ITPR1: variants seen among roughly 807,000 people sequenced by gnomAD.
The protein encoded by ITPR1 is inositol 1,4,5-trisphosphate-gated calcium channel ITPR1.
A neutral mutation model predicts 318.4 loss-of-function variants in ITPR1; 96 were observed. The observed-to-expected ratio is 0.30, with a 90% CI of 0.26 to 0.36. The LOEUF (loss-of-function observed/expected upper bound fraction) is 0.36, where lower values mean the gene tolerates loss of function less well. Ranked by LOEUF, ITPR1 falls within the 10% of genes least tolerant of loss-of-function variation. ITPR1 has a pLI of 1.00. For missense variants in ITPR1, 2,440 were observed against 3,460.2 expected (o/e 0.71, Z 7.40); for synonymous variants, 1,312 against 1,289.9 (o/e 1.02, Z -0.37).
At chr3:4,561,664 G>GGCAGAGGGCAGCA in intron 4 of ITPR1, among the ~76,000 whole-genome samples, 2 of 152,024 alleles carry the variant, frequency 1.3e-5, no homozygotes, top group Non-Finnish European at 2.9e-5. Context: ...GTGTTAAATT[G>GGCAGAGGGCAGCA]GCCTGGGGAC....
At chr3:4,735,615 A>T (rs1274182412) in intron 44 of ITPR1, 9 of 473,004 alleles carry the variant, frequency 1.9e-5, no homozygotes, top group South Asian at 3.1e-5. Flanking sequence ...CTGGCCTAAG[A>T]TCTGGCACAT....
rs1195111039 is a variant in ITPR1, at chr3:4,846,435, T to A, written c.*210T>A. The A allele has an allele frequency of 7.5e-5, 28 of 375,230 alleles. No individual in the cohort carries two copies. In the East Asian group the frequency reaches 1.1e-3, roughly 14 times the overall value. 23.2% of individuals were successfully genotyped at this position (375,230 alleles called of 1,614,324 possible). The stretch of plus-strand genomic sequence containing the variant: ...TGTTGGCATGATGACATTTCATTTG[T>A]GCCAAAAATATTAAAAATGCCTTTT... On this transcript the variant is annotated 3_prime_UTR_variant, in exon 62 of 62. Coordinates refer to ENST00000649015, the MANE Select transcript of ITPR1 (RefSeq NM_001378452.1).
At chr3:4,706,145 GA>G in intron 36 of ITPR1, 21 bp from the exon 37 acceptor site, 1 of 1,613,786 alleles carries the variant, frequency 6.2e-7, no homozygotes, top group Non-Finnish European at 8.5e-7. Context: ...GTAGGCTCAC[GA>G]CTCATCTTTC....
chr3:4,667,907 A>G (rs1186482236), intron 18 of ITPR1, among the ~76,000 whole-genome samples: 1 of 152,158 alleles, frequency 6.6e-6, no homozygotes, highest in Non-Finnish European at 1.5e-5. Context: ...TCACTTTTTA[A>G]AAAATGTTCT....
intron 55 of ITPR1, among the ~76,000 whole-genome samples, chr3:4,808,164 G>T (rs1055379050): frequency 1.3e-5 from 2 of 152,144 alleles, no homozygotes; most frequent in African/African-American, 4.8e-5. Flanking sequence ...CACATTACAG[G>T]GACAGCCGTT....
At chr3:4,786,870 C>T (rs993154196) in intron 51 of ITPR1, among the ~76,000 whole-genome samples, 12 of 152,140 alleles carry the variant, frequency 7.9e-5, no homozygotes, top group African/African-American at 2.9e-4. Context: ...GGTAGGAGGT[C>T]ACTGCAACTG....
At chr3:4,741,509 G>A (rs549553711) in intron 44 of ITPR1, among the ~76,000 whole-genome samples, 97 of 151,508 alleles carry the variant, frequency 6.4e-4, no homozygotes, top group Non-Finnish European at 1.2e-3. Context: ...AGCAGAGAGA[G>A]TGATCCCTGG....
At chr3:4,670,664 A>G in intron 19 of ITPR1, 65 bp from the exon 20 acceptor site, 1 of 1,191,052 alleles carries the variant, frequency 8.4e-7, no homozygotes. Flanking sequence ...TTATGCTGAA[A>G]GTAAAGCTAG....
intron 61 of ITPR1, among the ~76,000 whole-genome samples, chr3:4,840,028 G>GGTTTTT (rs1392825356): frequency 2.4e-5 from 1 of 42,194 alleles, no homozygotes; most frequent in African/African-American, 7.9e-5. Flanking sequence ...CAGCATAGCT[G>GGTTTTT]CTTTTTTTTT....
chr3:4,758,483 G>A (rs1485169250), intron 44 of ITPR1, among the ~76,000 whole-genome samples: 1 of 152,194 alleles, frequency 6.6e-6, no homozygotes, highest in Non-Finnish European at 1.5e-5. Flanking sequence ...GGACAGGTAG[G>A]CTGGCTCACA....
intron 4 of ITPR1, among the ~76,000 whole-genome samples, chr3:4,615,362 C>A (rs1346031538): frequency 1.4e-5 from 2 of 144,976 alleles, no homozygotes; most frequent in African/African-American, 5.1e-5. Context: ...GCCTTTCCAA[C>A]TGATTTCTTT....
At chr3:4,515,783 T>G (rs2082132669) in intron 2 of ITPR1, among the ~76,000 whole-genome samples, 1 of 152,192 alleles carries the variant, frequency 6.6e-6, no homozygotes, top group African/African-American at 2.4e-5. Flanking sequence ...CTTATTATTC[T>G]TACCCAAATA....
intron 26 of ITPR1, among the ~76,000 whole-genome samples, chr3:4,681,950 CATT>C (rs1210555637): frequency 2.6e-5 from 4 of 152,052 alleles, no homozygotes; most frequent in African/African-American, 9.7e-5. Context: ...TGACTTAAGA[CATT>C]ATTATAATTA....
intron 4 of ITPR1, among the ~76,000 whole-genome samples, chr3:4,582,311 G>A (rs1047881939): frequency 6.6e-6 from 1 of 152,112 alleles, no homozygotes. Context: ...ATGCCTAGAG[G>A]CCATGTTCCT....
At chr3:4,569,522 T>TGG (rs563331058) in intron 4 of ITPR1, among the ~76,000 whole-genome samples, 136 of 152,356 alleles carry the variant, frequency 8.9e-4, no homozygotes, top group African/African-American at 3.1e-3. Context: ...TGATTCTCTG[T>TGG]GTTGGCCTCA....
chr3:4,784,078 CA>C (rs969105054), intron 51 of ITPR1, among the ~76,000 whole-genome samples, 158 bp downstream of exon 51: 1 of 151,966 alleles, frequency 6.6e-6, no homozygotes, highest in African/African-American at 2.4e-5. Flanking sequence ...ATCCCATGGC[CA>C]AGACAGTCAT....
chr3:4,744,667 T>C (rs1211410350), intron 44 of ITPR1, among the ~76,000 whole-genome samples: 1 of 152,236 alleles, frequency 6.6e-6, no homozygotes, highest in African/African-American at 2.4e-5. Flanking sequence ...CTAGGGTTTG[T>C]TTAATCTTTA....
chr3:4,699,850 C>G lies in ITPR1; in HGVS notation c.4445C>G (p.Ser1482Trp). The G allele has an allele frequency of 6.2e-7, 1 of 1,613,784 alleles. No individual in the cohort carries two copies. Among genetic ancestry groups the G allele is most frequent in the Non-Finnish European group, 8.5e-7 (1 of 1,179,748 alleles). ...NNTSDRKHAD[S>W]ILEKYVTEIV... ...ACTAGTGACAGGAAACATGCAGACT[C>G]GATTTTGGAGAAGTATGTCACCGAA... Residue 1482 changes from serine (S) to tryptophan (W), a missense_variant, in exon 35 of 62, where the codon TCG becomes TGG. Coordinates refer to ENST00000649015, the MANE Select transcript of ITPR1 (RefSeq NM_001378452.1).
At chr3:4,605,895 T>A (rs951713390) in intron 4 of ITPR1, among the ~76,000 whole-genome samples, 1 of 152,032 alleles carries the variant, frequency 6.6e-6, no homozygotes, top group Non-Finnish European at 1.5e-5. Flanking sequence ...GAAAGTGAAG[T>A]AGGCAACAGG....
Sources: gnomAD v4.1 joint callset for allele counts (sites outside exome capture counted in the v4.1 genomes callset) on GRCh38, gnomAD v4.1.1 for gene constraint, MANE v1.5 for transcripts, NCBI Gene and HGNC (gene_info 2026-07-23, HGNC 2026-07-21) for gene names.